ZSWIM7: variants seen among roughly 807,000 people sequenced by gnomAD.
The protein encoded by ZSWIM7 is zinc finger SWIM-type containing 7.
ZSWIM7 carries 22 observed loss-of-function variants against 21.1 expected under a neutral mutation model. The observed-to-expected ratio is 1.04, with a 90% confidence interval of 0.74 to 1.49. The LOEUF (loss-of-function observed/expected upper bound fraction) is 1.49. Ranked by LOEUF, ZSWIM7 falls within the 40% of genes most tolerant of loss-of-function variation. ZSWIM7 has a pLI of 0.00. For missense variants in ZSWIM7, 193 were observed against 168.0 expected (o/e 1.15, Z -0.82); for synonymous variants, 67 against 66.5 (o/e 1.01, Z -0.04).
In ZSWIM7 at chr17:15,999,669, A is replaced by G; in HGVS notation, c.-75T>C. The G allele has an allele frequency of 6.4e-7, 1 of 1,561,582 alleles. No individual in the cohort carries two copies. The highest frequency in any genetic ancestry group is 8.7e-7 in the Non-Finnish European group (1 of 1,153,908). ...AGCTGACTGCGCCTACCTGTGGAGG[A>G]TCCTGACCCCCCGCCGGGGCAGGGC... is the stretch of plus-strand genomic sequence containing the variant. On this transcript the variant is annotated 5_prime_UTR_variant, in exon 1 of 5. Transcript: ENST00000399277.
intron 4 of ZSWIM7, among the ~76,000 whole-genome samples, chr17:15,978,855 C>T (rs1330889191): frequency 6.6e-6 from 1 of 152,048 alleles, no homozygotes; most frequent in Non-Finnish European, 1.5e-5. Flanking sequence ...CTGTGAAGTG[C>T]TTCTCATAGA....
At position 15,988,784 on chromosome 17, in the gene ZSWIM7, C is replaced by T. The variant is rs542442408; in HGVS notation, c.99-1416G>A. On this transcript the variant is annotated intron_variant, in intron 2 of 4. Transcript: ENST00000399277. ...CTGTAATCCTAGCACTTTGGGAGGC[C>T]GAGGCAGGCAGATCACCAGAGGTCA... 6.2e-4 allele frequency among the ~76,000 whole-genome samples: 94 copies of T among 151,974 alleles called. 1 individual carries two copies. The highest frequency in any genetic ancestry group is 1.1e-3 in the Admixed American group (16 of 15,226).
At chr17:15,979,866 G>A (rs1322188855) in intron 4 of ZSWIM7, among the ~76,000 whole-genome samples, 9 of 78,280 alleles carry the variant, frequency 1.1e-4, no homozygotes, top group South Asian at 4.3e-4. Context: ...GCGGCTGGCC[G>A]GGCGGGGGGC....
chr17:15,996,815 C>T (rs1970560759), intron 1 of ZSWIM7, among the ~76,000 whole-genome samples: 1 of 150,770 alleles, frequency 6.6e-6, no homozygotes, highest in Non-Finnish European at 1.5e-5. Flanking sequence ...TGTGCCACTG[C>T]ACTCCAGCCT....
chr17:15,995,386 G>A (rs1970538253), intron 1 of ZSWIM7, among the ~76,000 whole-genome samples: 1 of 151,658 alleles, frequency 6.6e-6, no homozygotes, highest in African/African-American at 2.4e-5. Context: ...TCCTGCCTCA[G>A]CCTACAGAGT....
chr17:15,999,671 C>A lies in ZSWIM7; in HGVS notation c.-77G>T, dbSNP rs753100200. The A allele has an allele frequency of 6.4e-7, 1 of 1,560,858 alleles. No homozygotes were observed. The highest frequency in any genetic ancestry group is 8.7e-7 in the Non-Finnish European group (1 of 1,153,540). ...CTGACTGCGCCTACCTGTGGAGGAT[C>A]CTGACCCCCCGCCGGGGCAGGGCGA... On this transcript the variant is annotated 5_prime_UTR_variant, in exon 1 of 5. Coordinates refer to ENST00000399277, the MANE Select transcript of ZSWIM7 (RefSeq NM_001042697.2).
chr17:15,986,443 A>G (rs1357862470), intron 3 of ZSWIM7, among the ~76,000 whole-genome samples: 1 of 151,984 alleles, frequency 6.6e-6, no homozygotes, highest in Non-Finnish European at 1.5e-5. Flanking sequence ...ACATGATCTC[A>G]CTTATATGTG....
At chr17:15,982,683 G>A (rs973029146) in intron 3 of ZSWIM7, among the ~76,000 whole-genome samples, 3 of 152,046 alleles carry the variant, frequency 2.0e-5, no homozygotes, top group African/African-American at 2.4e-5. Context: ...ACAGGATGTT[G>A]TTCTGTCATC....
rs760673648 is a variant in ZSWIM7, at chr17:15,996,851, GA to G, written c.76+2667del. On this transcript the variant is annotated intron_variant, in intron 1 of 4. Coordinates refer to ENST00000399277, the MANE Select transcript of ZSWIM7 (RefSeq NM_001042697.2). ...GGGTGACAGAGCAAGACCTTGTCTC[GA>G]AAAAAAAAAAAAAAATTTTACATGG... is the stretch of plus-strand genomic sequence containing the variant. 8.1e-3 allele frequency among the ~76,000 whole-genome samples: 1,042 copies of G among 128,342 alleles called. 7 individuals are homozygous for G. Among genetic ancestry groups the G allele is most frequent in the African/African-American group, 0.022 (767 of 34,830 alleles). The allele number at this position is 128,342 out of a possible 152,430, so 84.2% of individuals were successfully genotyped here. A position where few individuals can be genotyped will look rare whatever the true frequency, so the allele number is the denominator to read the frequency against.
chr17:15,978,288 C>G, intron 4 of ZSWIM7, 125 bp from the exon 5 acceptor site: 1 of 706,388 alleles, frequency 1.4e-6, no homozygotes, highest in South Asian at 1.7e-5. Context: ...TACGGGGTCT[C>G]TAACTGATTG....
At chr17:15,995,762 CAGAT>C (rs1470883289) in intron 1 of ZSWIM7, among the ~76,000 whole-genome samples, 1 of 151,784 alleles carries the variant, frequency 6.6e-6, no homozygotes, top group East Asian at 1.9e-4. Flanking sequence ...ACAGAGAAAA[CAGAT>C]GGAGGGAATT....
At chr17:15,999,408 A>G (rs1284624766) in intron 1 of ZSWIM7, 111 bp downstream of exon 1, 1 of 1,358,872 alleles carries the variant, frequency 7.4e-7, no homozygotes. Flanking sequence ...AACCACATGG[A>G]AAAAAGGCAG....
intron 4 of ZSWIM7, among the ~76,000 whole-genome samples, chr17:15,979,644 G>C (rs1367227007): frequency 1.5e-5 from 2 of 130,336 alleles, no homozygotes; most frequent in African/African-American, 3.0e-5. Context: ...CCTCCCGGAC[G>C]GGGCGGCTGG....
At chr17:15,988,856 T>G (rs1221801106) in intron 2 of ZSWIM7, among the ~76,000 whole-genome samples, 1 of 151,746 alleles carries the variant, frequency 6.6e-6, no homozygotes, top group African/African-American at 2.4e-5. Flanking sequence ...CCGTCTCTAC[T>G]AAAAATACAA....
At chr17:15,986,079 C>T (rs112353042) in intron 3 of ZSWIM7, among the ~76,000 whole-genome samples, 1 of 151,736 alleles carries the variant, frequency 6.6e-6, no homozygotes, top group Admixed American at 6.6e-5. Context: ...GAGTTCTGCT[C>T]GTCACTCAGG....
At chr17:15,996,370 G>C (rs1567572804) in intron 1 of ZSWIM7, among the ~76,000 whole-genome samples, 1 of 152,120 alleles carries the variant, frequency 6.6e-6, no homozygotes, top group Non-Finnish European at 1.5e-5. Context: ...ACAGGGGCCG[G>C]TGTGGGGGCT....
chr17:15,978,962 A>G (rs1169914881), intron 4 of ZSWIM7, among the ~76,000 whole-genome samples: 1 of 144,948 alleles, frequency 6.9e-6, no homozygotes, highest in Non-Finnish European at 1.5e-5. Flanking sequence ...TTTTTTTTTT[A>G]ATTTTAATTT....
At chr17:15,985,413 T>C (rs1970397823) in intron 3 of ZSWIM7, among the ~76,000 whole-genome samples, 1 of 152,114 alleles carries the variant, frequency 6.6e-6, no homozygotes, top group Non-Finnish European at 1.5e-5. Flanking sequence ...AGAGTTGACC[T>C]ATGGGATGAA....
chr17:15,978,844 G>T (rs1970309760), intron 4 of ZSWIM7, among the ~76,000 whole-genome samples: 1 of 152,046 alleles, frequency 6.6e-6, no homozygotes, highest in Admixed American at 6.5e-5. Flanking sequence ...GAGGCACTAG[G>T]CTGTGAAGTG....
Sources: allele counts gnomAD v4.1 joint callset (sites outside exome capture counted in the v4.1 genomes callset), GRCh38; gene constraint gnomAD v4.1.1; transcripts MANE v1.5; gene names NCBI Gene and HGNC (gene_info 2026-07-23, HGNC 2026-07-21).